Variants in CCSER1 observed in about 807,000 individuals in gnomAD.
CCSER1 encodes the protein serine-rich coiled-coil domain-containing protein 1.
CCSER1 carries 41 observed loss-of-function variants against 82.0 expected under a neutral mutation model. The ratio of observed to expected loss-of-function variants is 0.50; its 90% CI spans 0.39 to 0.65. The LOEUF is 0.65. Among genes scored for constraint, CCSER1 ranks in the 30% least tolerant of loss-of-function variants. The pLI is 0.00. For synonymous variants in CCSER1, 414 were observed against 383.9 expected (o/e 1.08, Z -0.92); for missense variants, 1,119 against 1,064.2 (o/e 1.05, Z -0.72).
chr4:91,178,589 T>G (rs1484620225), intron 10 of CCSER1, among the ~76,000 whole-genome samples: 1 of 152,200 alleles, frequency 6.6e-6, no homozygotes, highest in Non-Finnish European at 1.5e-5. Context: ...TTGATCTTTG[T>G]TGGTTTAAAG....
chr4:91,371,778 A>G (rs1224562153), intron 10 of CCSER1, among the ~76,000 whole-genome samples: 1 of 152,188 alleles, frequency 6.6e-6, no homozygotes, highest in Non-Finnish European at 1.5e-5. Flanking sequence ...ATTATGCAAT[A>G]TCTTTTGTAC....
intron 9 of CCSER1, among the ~76,000 whole-genome samples, chr4:90,950,740 G>C (rs1732817246): frequency 6.6e-6 from 1 of 152,040 alleles, no homozygotes; most frequent in Non-Finnish European, 1.5e-5. Flanking sequence ...AACCACTTTT[G>C]CTGACTCCAG....
chr4:90,916,368 C>A (rs1727419889), intron 8 of CCSER1, among the ~76,000 whole-genome samples: 1 of 152,108 alleles, frequency 6.6e-6, no homozygotes, highest in Non-Finnish European at 1.5e-5. Context: ...CACATATCTA[C>A]AACTATCTGA....
intron 6 of CCSER1, among the ~76,000 whole-genome samples, chr4:90,658,155 G>A (rs1025488412): frequency 7.5e-5 from 11 of 146,804 alleles, no homozygotes; most frequent in African/African-American, 2.8e-4. Flanking sequence ...ATCTCCTTTG[G>A]TTCTGTTTAT....
intron 7 of CCSER1, among the ~76,000 whole-genome samples, chr4:90,755,563 A>T: frequency 6.6e-6 from 1 of 152,320 alleles, no homozygotes; most frequent in South Asian, 2.1e-4. Flanking sequence ...ACTTCTACAG[A>T]TATTTTAAAA....
chr4:90,195,275 C>T (rs780774602), intron 1 of CCSER1, among the ~76,000 whole-genome samples: 8 of 151,992 alleles, frequency 5.3e-5, no homozygotes, highest in Non-Finnish European at 8.8e-5. Flanking sequence ...TGTTAAAAAA[C>T]GAATAATCAA....
At chr4:90,535,428 C>T (rs1339791996) in intron 5 of CCSER1, among the ~76,000 whole-genome samples, 1 of 151,596 alleles carries the variant, frequency 6.6e-6, no homozygotes, top group East Asian at 1.9e-4. Flanking sequence ...ATACAAAAAA[C>T]AAAAAAACAA....
intron 10 of CCSER1, among the ~76,000 whole-genome samples, chr4:91,094,902 T>C (rs560945723): frequency 6.6e-6 from 1 of 152,300 alleles, no homozygotes; most frequent in East Asian, 1.9e-4. Flanking sequence ...CTCAGCTTAC[T>C]AAGCAAGTCT....
chr4:90,944,157 C>T (rs1397586130), intron 9 of CCSER1, among the ~76,000 whole-genome samples: 8 of 149,040 alleles, frequency 5.4e-5, no homozygotes, highest in Admixed American at 4.1e-4. Flanking sequence ...GCTTGAACCC[C>T]GGAAGCGGAG....
chr4:90,866,784 G>GT (rs1765780929), intron 8 of CCSER1, among the ~76,000 whole-genome samples: 1 of 152,024 alleles, frequency 6.6e-6, no homozygotes, highest in Non-Finnish European at 1.5e-5. Context: ...TGTATCGGGG[G>GT]TGGAGCAGGG....
chr4:90,276,317 T>TCC (rs1553984740), intron 1 of CCSER1, among the ~76,000 whole-genome samples: 30 of 113,356 alleles, frequency 2.6e-4, no homozygotes, highest in African/African-American at 1.1e-3. Flanking sequence ...CTTTCTTTCT[T>TCC]TTTCTTTCTT....
chr4:90,543,283 C>A (rs1377864268), intron 5 of CCSER1, among the ~76,000 whole-genome samples: 1 of 152,088 alleles, frequency 6.6e-6, no homozygotes, highest in African/African-American at 2.4e-5. Flanking sequence ...GAATCTTAGC[C>A]ATGTGTATCT....
intron 10 of CCSER1, among the ~76,000 whole-genome samples, chr4:91,275,261 A>G (rs1742333936): frequency 1.3e-5 from 2 of 152,120 alleles, no homozygotes; most frequent in African/African-American, 2.4e-5. Flanking sequence ...CACAATGTAT[A>G]AGAGTTCCCT....
At chr4:90,374,381 A>G (rs1747955743) in intron 3 of CCSER1, among the ~76,000 whole-genome samples, 1 of 152,162 alleles carries the variant, frequency 6.6e-6, no homozygotes, top group African/African-American at 2.4e-5. Flanking sequence ...ACAGTGCTGG[A>G]CTTGTTGCAA....
intron 6 of CCSER1, among the ~76,000 whole-genome samples, chr4:90,643,201 G>A (rs1560869206): frequency 6.6e-6 from 1 of 152,078 alleles, no homozygotes; most frequent in South Asian, 2.1e-4. Flanking sequence ...AATATTTTAG[G>A]TTTTTCTGAC....
At chr4:91,340,496 T>G (rs1172413999) in intron 10 of CCSER1, among the ~76,000 whole-genome samples, 1 of 152,210 alleles carries the variant, frequency 6.6e-6, no homozygotes, top group Non-Finnish European at 1.5e-5. Flanking sequence ...GAAGAATATG[T>G]ATGACTATTT....
chr4:91,556,842 G>T (rs116668240), intron 10 of CCSER1, among the ~76,000 whole-genome samples: 1,675 of 151,182 alleles, frequency 0.011, 52 homozygotes, highest in African/African-American at 0.038. Context: ...TTCTTTGAAT[G>T]TAAGAATTAT....
intron 5 of CCSER1, among the ~76,000 whole-genome samples, chr4:90,516,404 C>T (rs1464644516): frequency 3.9e-5 from 6 of 151,920 alleles, no homozygotes; most frequent in African/African-American, 7.3e-5. Flanking sequence ...TTGGGGTGAG[C>T]GTTAGAAGAG....
rs1378093311 is a variant in CCSER1 at position 91,381,250 on chromosome 4, T to C, written c.2218-217322T>C. Among the ~76,000 whole-genome samples the C allele has an allele frequency of 2.6e-5, 4 of 152,142 alleles. No individual in the cohort carries two copies. The East Asian group carries it at 7.7e-4, about 29-fold the overall frequency. On this transcript the variant is annotated intron_variant, in intron 10 of 10. Coordinates refer to ENST00000509176, the MANE Select transcript of CCSER1 (RefSeq NM_001145065.2). The stretch of plus-strand genomic sequence containing the variant: ...TTGGGGTTGCTCTTCTCGAGGAGTA[T>C]CTTTGTGGCATTCTCTGGGTTTCCT...
Sources: allele counts gnomAD v4.1 joint callset (sites outside exome capture counted in the v4.1 genomes callset), GRCh38; gene constraint gnomAD v4.1.1; transcripts MANE v1.5; gene names NCBI Gene and HGNC (gene_info 2026-07-23, HGNC 2026-07-21).